Variants in STARD13 observed in about 807,000 individuals in gnomAD.
STARD13 encodes stAR-related lipid transfer protein 13.
STARD13 carries 62 observed loss-of-function variants against 106.4 expected under a neutral mutation model. That is an observed-to-expected ratio of 0.58 (90% CI 0.48 to 0.72). The LOEUF (loss-of-function observed/expected upper bound fraction) is 0.72. STARD13 is among the 30% of genes least tolerant of loss of function. The pLI, the probability that STARD13 is intolerant of heterozygous loss-of-function variation, is 0.00. For missense variants in STARD13, 1,387 were observed against 1,424.0 expected (o/e 0.97, Z 0.42); for synonymous variants, 565 against 553.0 (o/e 1.02, Z -0.31).
chr13:33,453,329 G>T, the STARD13 span, among the ~76,000 whole-genome samples: 1 of 152,142 alleles, frequency 6.6e-6, no homozygotes, highest in Non-Finnish European at 1.5e-5. Flanking sequence ...AGAATAACTG[G>T]GTCACCAAGT....
the STARD13 span, among the ~76,000 whole-genome samples, chr13:33,558,777 T>C: frequency 6.6e-6 from 1 of 151,606 alleles, no homozygotes; most frequent in Non-Finnish European, 1.5e-5. Context: ...ATGTTTATTC[T>C]GACAAATATA....
downstream of STARD13, among the ~76,000 whole-genome samples, chr13:33,344,697 G>A (rs2078000128): frequency 6.6e-6 from 1 of 152,184 alleles, no homozygotes; most frequent in Non-Finnish European, 1.5e-5. Context: ...ACTGTTTTAA[G>A]TCAGAATATT....
At chr13:33,390,785 T>G in the STARD13 span, among the ~76,000 whole-genome samples, 1 of 152,156 alleles carries the variant, frequency 6.6e-6, no homozygotes, top group African/African-American at 2.4e-5. Flanking sequence ...GTCATTAAGA[T>G]GCAAGAGTTC....
At chr13:33,144,192 G>C (rs1274426005) in intron 3 of STARD13, among the ~76,000 whole-genome samples, 1 of 152,174 alleles carries the variant, frequency 6.6e-6, no homozygotes, top group African/African-American at 2.4e-5. Flanking sequence ...TCTGAGGCCA[G>C]AGTCACATTC....
chr13:33,136,641 C>T (rs1879092820), intron 4 of STARD13, among the ~76,000 whole-genome samples: 1 of 152,180 alleles, frequency 6.6e-6, no homozygotes, highest in East Asian at 1.9e-4. Flanking sequence ...AGCAGGCACT[C>T]CCCCATTCTG....
At chr13:33,177,877 A>G (rs865895933) in intron 1 of STARD13, among the ~76,000 whole-genome samples, 59 of 3,538 alleles carry the variant, frequency 0.017, 3 homozygotes, top group African/African-American at 0.024. Flanking sequence ...AAGGAAGGAA[A>G]GGAAGGAAGG....
At chr13:33,235,819 A>G (rs1031469624) in intron 1 of STARD13, among the ~76,000 whole-genome samples, 1 of 152,244 alleles carries the variant, frequency 6.6e-6, no homozygotes, top group Non-Finnish European at 1.5e-5. Flanking sequence ...CCAGGCCTCC[A>G]GGTGATTCTA....
chr13:33,468,914 T>C, the STARD13 span, among the ~76,000 whole-genome samples: 3 of 152,112 alleles, frequency 2.0e-5, no homozygotes, highest in East Asian at 5.8e-4. Flanking sequence ...GCTAGATCCA[T>C]GGGACAACAG....
intron 1 of STARD13, among the ~76,000 whole-genome samples, chr13:33,219,031 AATT>A (rs1462318805): frequency 6.6e-6 from 1 of 152,218 alleles, no homozygotes; most frequent in Non-Finnish European, 1.5e-5. Context: ...TTCCCTTTCT[AATT>A]TTAAAAATAT....
Position 33,104,306 on chromosome 13 carries a change from T to G in STARD13, c.*1287A>C, listed in dbSNP as rs1873428958. 1 of 152,288 alleles carries G rather than the reference T, an allele frequency of 6.6e-6. No homozygotes were observed. Among genetic ancestry groups the G allele is most frequent in the Non-Finnish European group, 1.5e-5 (1 of 68,018 alleles). 9.4% of individuals were successfully genotyped at this position (152,288 alleles called of 1,614,324 possible). A position where few individuals can be genotyped will look rare whatever the true frequency, so the allele number is the denominator to read the frequency against. ...TTCATCTGTACAATAATAAATAAGG[T>G]TGGGTCAAATGCATAGGTAGCTTGG... On this transcript the variant is annotated 3_prime_UTR_variant, in exon 14 of 14. Transcript: ENST00000336934.
chr13:33,196,130 A>G (rs1048581631), intron 1 of STARD13, among the ~76,000 whole-genome samples: 98 of 152,376 alleles, frequency 6.4e-4, no homozygotes, highest in African/African-American at 2.3e-3. Context: ...CACGCCTGTA[A>G]TCTCAGCACT....
intron 1 of STARD13, chr13:33,335,283 A>G (rs1489347681): frequency 6.6e-6 from 1 of 152,232 alleles, no homozygotes; most frequent in East Asian, 1.9e-4. Context: ...TAGAGAAAAA[A>G]TCAGGATCAC....
chr13:33,616,664 C>T, the STARD13 span, among the ~76,000 whole-genome samples: 1 of 152,200 alleles, frequency 6.6e-6, no homozygotes, highest in African/African-American at 2.4e-5. Context: ...GTGCCTACTA[C>T]AAGCCATACA....
At position 33,129,410 on chromosome 13, in the gene STARD13, C is replaced by T. The variant is rs1401681833; in HGVS notation, c.1267G>A (p.Gly423Arg). Residue 423 changes from glycine (G) to arginine (R), a missense_variant, in exon 5 of 14, where the codon GGG (glycine) becomes AGG (arginine). By Grantham distance (125) the Gly-to-Arg change is moderately radical. Transcript: ENST00000336934. The stretch of plus-strand genomic sequence containing the variant: ...ATGCTACCGGTCCTCCAATTAACCC[C>T]ATTGCTACTATCTGTGGGAGAGAGG... ...ESLSPTDSSN[G>R]VNWRTGSISL... The T allele has an allele frequency of 2.5e-6, 4 of 1,614,088 alleles. No individual in the cohort carries two copies. The highest frequency in any genetic ancestry group is 1.7e-5 in the Admixed American group (1 of 60,010).
At chr13:33,217,795 G>GA (rs1360340033) in intron 1 of STARD13, among the ~76,000 whole-genome samples, 1 of 152,200 alleles carries the variant, frequency 6.6e-6, no homozygotes, top group Non-Finnish European at 1.5e-5. Context: ...CAGCTTTACT[G>GA]AAAAAACTAT....
chr13:33,508,164 G>A, the STARD13 span, among the ~76,000 whole-genome samples: 7 of 152,174 alleles, frequency 4.6e-5, no homozygotes, highest in Non-Finnish European at 8.8e-5. Context: ...CATTCTCACT[G>A]CAAGTGGCTG....
At chr13:33,475,041 G>T in the STARD13 span, among the ~76,000 whole-genome samples, 1 of 152,162 alleles carries the variant, frequency 6.6e-6, no homozygotes, top group Non-Finnish European at 1.5e-5. Flanking sequence ...AGGGATACGT[G>T]CTTATAGGTA....
At chr13:33,132,224 G>T (rs1878403539) in intron 4 of STARD13, among the ~76,000 whole-genome samples, 1 of 152,198 alleles carries the variant, frequency 6.6e-6, no homozygotes, top group Admixed American at 6.5e-5. Flanking sequence ...ATACGGTTTG[G>T]TTGTGTTCCC....
At chr13:33,574,101 A>G in the STARD13 span, among the ~76,000 whole-genome samples, 2 of 152,310 alleles carry the variant, frequency 1.3e-5, no homozygotes, top group South Asian at 2.1e-4. Context: ...TTTGGAAAGC[A>G]ATGGAAGAGA....
Sources: allele counts gnomAD v4.1 joint callset (sites outside exome capture counted in the v4.1 genomes callset), GRCh38; gene constraint gnomAD v4.1.1; transcripts MANE v1.5; gene names NCBI Gene and HGNC (gene_info 2026-07-23, HGNC 2026-07-21).